The following TCF3 variants were observed in gnomAD, a reference collection of about 807,000 sequenced individuals.
TCF3 encodes transcription factor E2-alpha.
Under a neutral mutation model 72.3 loss-of-function variants are expected in TCF3, and 54 were observed. The observed-to-expected ratio is 0.75, with a 90% CI of 0.60 to 0.94. TCF3 has a LOEUF of 0.94. Among genes scored for constraint, TCF3 ranks in the 40% least tolerant of loss-of-function variants. The pLI, the probability that TCF3 is intolerant of heterozygous loss-of-function variation, is 0.00. For synonymous variants in TCF3, 525 were observed against 412.6 expected (o/e 1.27, Z -3.30); for missense variants, 1,078 against 934.4 (o/e 1.15, Z -2.00).
chr19:1,625,545 GC>G (rs1232918354), intron 7 of TCF3, 30 bp downstream of exon 7: 9 of 1,533,506 alleles, frequency 5.9e-6, no homozygotes, highest in Admixed American at 4.4e-5. Context: ...CCTCCCAGAA[GC>G]CCCCGATGCC....
chr19:1,645,913 C>A (rs2066017269), intron 3 of TCF3, among the ~76,000 whole-genome samples: 1 of 152,166 alleles, frequency 6.6e-6, no homozygotes, highest in African/African-American at 2.4e-5. Context: ...CTAATACCTG[C>A]TTAAATGAAA....
At position 1,643,512 on chromosome 19, in the gene TCF3, T is replaced by A. The variant is rs766092140; in HGVS notation, c.145+2843A>T. On this transcript the variant is annotated intron_variant, in intron 3 of 18. Transcript: ENST00000262965. The stretch of plus-strand genomic sequence containing the variant: ...CTGGGATTATAGGCATGAACCACTG[T>A]GTCTGGCCCTTTTCTGTTTGTTTGA... 3.9e-5 allele frequency among the ~76,000 whole-genome samples: 6 copies of A among 152,200 alleles called. No homozygotes were observed. In the South Asian group the frequency reaches 8.3e-4, roughly 21 times the overall value.
At chr19:1,632,531 G>A in intron 3 of TCF3, 126 bp from the exon 4 acceptor site, 1 of 908,284 alleles carries the variant, frequency 1.1e-6, no homozygotes, top group East Asian at 2.7e-5. Flanking sequence ...TCCTAACCCA[G>A]CCTCACCCAG....
Position 1,622,433 on chromosome 19 carries a change from G to T in TCF3, c.550-18C>A, listed in dbSNP as rs755392405. ...GGGTACACCTGCGGGCGGGTGGGCG[G>T]TGGGGGGTGCAGTCAGGACGGAGGG... On this transcript the variant is annotated intron_variant, in intron 8 of 18. Coordinates refer to ENST00000262965, the MANE Select transcript of TCF3 (RefSeq NM_003200.5). 3.0e-5 allele frequency: 38 copies of T among 1,273,930 alleles called. No individual in the cohort carries two copies. The highest frequency in any genetic ancestry group is 2.5e-4 in the Middle Eastern group (1 of 3,964). The allele number at this position is 1,273,930 out of a possible 1,614,324, so 78.9% of individuals were successfully genotyped here.
Position 1,650,300 on chromosome 19 carries a change from T to C in TCF3, c.-39-13A>G. 6.6e-7 allele frequency: 1 copy of C among 1,517,214 alleles called. No homozygotes were observed. Among genetic ancestry groups the C allele is most frequent in the South Asian group, 1.2e-5 (1 of 83,468 alleles). 94.0% of individuals were successfully genotyped at this position (1,517,214 alleles called of 1,614,324 possible). On this transcript the variant is annotated splice_polypyrimidine_tract_variant and intron_variant, in intron 1 of 18. Transcript: ENST00000262965. ...AGGCCTGGAAACCCTGCTTGGTGGA[T>C]GTGGGGACAGATGGACAGGGAGAAA... is the stretch of plus-strand genomic sequence containing the variant.
rs2061859123 is a variant in TCF3, at chr19:1,619,042, C to T, written c.1450+69G>A. On this transcript the variant is annotated intron_variant, in intron 16 of 18. Coordinates refer to ENST00000262965, the MANE Select transcript of TCF3 (RefSeq NM_003200.5). The stretch of plus-strand genomic sequence containing the variant: ...TGCCCTGGGCTCCCACCCTGACCCC[C>T]ACCACTAGAGTGCCTCAGTTTCCCC... 8.2e-6 allele frequency: 13 copies of T among 1,593,944 alleles called. No individual in the cohort carries two copies. In the Admixed American group the frequency reaches 1.2e-4, roughly 14 times the overall value.
At position 1,639,817 on chromosome 19, in the gene TCF3, A is replaced by G. The variant is rs543162968; in HGVS notation, c.145+6538T>C. Among the ~76,000 whole-genome samples, 12 of 152,078 alleles carry G rather than the reference A, an allele frequency of 7.9e-5. No individual in the cohort carries two copies. The South Asian group carries it at 2.5e-3, about 32-fold the overall frequency. On this transcript the variant is annotated intron_variant, in intron 3 of 18. Coordinates refer to ENST00000262965, the MANE Select transcript of TCF3 (RefSeq NM_003200.5). Reference sequence around the variant, plus strand: ...TATGAGAAAAACATGCATTATGGAAACCAATGGGATGGGGTTCACGGGGTG... The same window carrying G: ...TATGAGAAAAACATGCATTATGGAAGCCAATGGGATGGGGTTCACGGGGTG...
At chr19:1,647,047 G>A (rs1020899924) in intron 2 of TCF3, among the ~76,000 whole-genome samples, 1 of 152,204 alleles carries the variant, frequency 6.6e-6, no homozygotes, top group South Asian at 2.1e-4. Context: ...GCAGGTCGAG[G>A]AAGACACGGG....
chr19:1,630,977 A>C (rs1357999291), intron 5 of TCF3, among the ~76,000 whole-genome samples: 2 of 152,204 alleles, frequency 1.3e-5, no homozygotes, highest in African/African-American at 4.8e-5. Flanking sequence ...AGGGCGTCCC[A>C]GTCAGCCCCA....
chr19:1,634,391 T>C (rs1051464955), intron 3 of TCF3, among the ~76,000 whole-genome samples: 121 of 152,372 alleles, frequency 7.9e-4, no homozygotes, highest in African/African-American at 2.7e-3. Context: ...GGCACCTTCC[T>C]GCCCTGGGCC....
At chr19:1,613,384 C>T (rs1340001577) in intron 18 of TCF3, among the ~76,000 whole-genome samples, 9 of 152,122 alleles carry the variant, frequency 5.9e-5, no homozygotes, top group Non-Finnish European at 5.9e-5. Context: ...AGATGGGGCC[C>T]TGCTTCCCCG....
At chr19:1,634,616 C>A (rs1042831863) in intron 3 of TCF3, among the ~76,000 whole-genome samples, 2 of 152,336 alleles carry the variant, frequency 1.3e-5, no homozygotes, top group Non-Finnish European at 2.9e-5. Context: ...TGGTGGTTTC[C>A]CAGTCCCGGT....
At chr19:1,644,251 C>T (rs977221399) in intron 3 of TCF3, among the ~76,000 whole-genome samples, 20 of 152,208 alleles carry the variant, frequency 1.3e-4, no homozygotes, top group African/African-American at 3.9e-4. Flanking sequence ...TTCGGGAGGG[C>T]CACACCTGGG....
intron 7 of TCF3, 133 bp from the exon 8 acceptor site, chr19:1,624,133 C>A: frequency 1.2e-6 from 1 of 812,628 alleles, no homozygotes; most frequent in Non-Finnish European, 2.0e-6. Flanking sequence ...TGCGGTGCCT[C>A]ATGCCTGTAA....
intron 3 of TCF3, among the ~76,000 whole-genome samples, chr19:1,642,045 T>TAA (rs903204998): frequency 7.0e-6 from 1 of 142,106 alleles, no homozygotes. Context: ...ACCTGGTCCC[T>TAA]AAAAAAAAAA....
rs2060876002 is a variant in TCF3, at chr19:1,609,992, A to G, written c.*1715T>C. On this transcript the variant is annotated 3_prime_UTR_variant, in exon 19 of 19. Transcript: ENST00000262965. ...TGAAGGCCCCCAGCTAGCCAGGCCCACACCTGGGTGCCACAGTGACCACTG... is the reference window on the plus strand; with the variant it reads ...TGAAGGCCCCCAGCTAGCCAGGCCCGCACCTGGGTGCCACAGTGACCACTG... 4.3e-6 allele frequency: 1 copy of G among 232,734 alleles called. No individual in the cohort carries two copies. Among genetic ancestry groups the G allele is most frequent in the Non-Finnish European group, 8.5e-6 (1 of 117,840 alleles). 14.4% of individuals were successfully genotyped at this position (232,734 alleles called of 1,614,324 possible).
Position 1,632,162 on chromosome 19 carries a change from C to T in TCF3, c.220-46G>A, listed in dbSNP as rs749627513. On this transcript the variant is annotated intron_variant, in intron 4 of 18. Coordinates refer to ENST00000262965, the MANE Select transcript of TCF3 (RefSeq NM_003200.5). ...ATGAGAGGTGCTGGGGCTTCACAGG[C>T]CCCCCCTCCACCCCGCATTACAGCT... is the stretch of plus-strand genomic sequence containing the variant. 1.4e-4 allele frequency: 229 copies of T among 1,592,846 alleles called. 1 individual carries two copies. The highest frequency in any genetic ancestry group is 1.8e-4 in the Non-Finnish European group (213 of 1,169,970).
In TCF3 at chr19:1,619,124, G is replaced by C. The variant is rs370968677; in HGVS notation, c.1437C>G (p.Pro479=). The change falls in exon 16 of 19, where the codon CCC becomes CCG. Residue 479 remains proline (P), a synonymous_variant. Transcript: ENST00000262965. ...PGTLPDLSRP[P]DSYSGLGRAG... ...TCAAGGGCTTACCACTGTAGGAGTC[G>C]GGAGGCCGAGACAGGTCAGGGAGGG... 6.3e-7 allele frequency: 1 copy of C among 1,599,600 alleles called. No homozygotes were observed. The highest frequency in any genetic ancestry group is 8.5e-7 in the Non-Finnish European group (1 of 1,179,732).
At chr19:1,631,990 C>G (rs920290667) in intron 5 of TCF3, 48 bp downstream of exon 5, 1 of 1,596,866 alleles carries the variant, frequency 6.3e-7, no homozygotes, top group African/African-American at 1.3e-5. Context: ...AGGCCCACGT[C>G]TGCACATCTG....
Sources: gnomAD v4.1 joint callset for allele counts (sites outside exome capture counted in the v4.1 genomes callset) on GRCh38, gnomAD v4.1.1 for gene constraint, MANE v1.5 for transcripts, NCBI Gene and HGNC (gene_info 2026-07-23, HGNC 2026-07-21) for gene names.